KMT2C: variants seen among roughly 807,000 people sequenced by gnomAD.
KMT2C encodes histone-lysine N-methyltransferase 2C.
Under a neutral mutation model 507.9 loss-of-function variants are expected in KMT2C, and 88 were observed. The ratio of observed to expected loss-of-function variants is 0.17; its 90% CI spans 0.15 to 0.21. KMT2C has a LOEUF of 0.21. KMT2C is among the 10% of genes least tolerant of loss of function. The pLI is 1.00. For missense variants in KMT2C, 4,954 were observed against 5,957.8 expected (o/e 0.83, Z 5.55); for synonymous variants, 2,049 against 2,080.8 (o/e 0.98, Z 0.42).
Position 152,207,304 on chromosome 7 carries a change from T to C in KMT2C, c.3837A>G (p.Arg1279=), listed in dbSNP as rs760348105. The C allele has an allele frequency of 5.7e-6, 9 of 1,582,222 alleles. No individual in the cohort carries two copies. Among genetic ancestry groups the C allele is most frequent in the Non-Finnish European group, 7.7e-6 (9 of 1,166,666 alleles). The change falls in exon 24 of 59, where the codon AGA becomes AGG. Residue 1279 remains arginine (R), a synonymous_variant. Coordinates refer to ENST00000262189, the MANE Select transcript of KMT2C (RefSeq NM_170606.3). ...TGTCTACCTCAGGCACTATACCTGG[T>C]CTGTATGGTTTCCTTTTTCTCTTTT... The part of the protein sequence containing the change: ...GVKKRKRKPY[R]PGIGGFMVRQ...
rs1588050805 is a variant in KMT2C, at chr7:152,187,285, G to A, written c.4985C>T (p.Pro1662Leu). Residue 1662 changes from proline (P) to leucine (L), a missense_variant, in exon 33 of 59, where the codon CCC becomes CTC. By Grantham distance (98) the Pro-to-Leu change is moderately conservative. Transcript: ENST00000262189. ...APVLYTNINF[P>L]NLKEEFPDWT... ...ACCAGGGAATTCTTCCTTTAAGTTG[G>A]GGAAATTAATATTGGTGTAGAGAAC... The A allele has an allele frequency of 1.2e-6, 2 of 1,613,778 alleles. No individual in the cohort carries two copies. The highest frequency in any genetic ancestry group is 4.5e-5 in the East Asian group (2 of 44,870).
At chr7:152,290,248 G>A (rs1272171048) in intron 6 of KMT2C, among the ~76,000 whole-genome samples, 35 of 85,642 alleles carry the variant, frequency 4.1e-4, no homozygotes, top group East Asian at 6.0e-4. Context: ...GTGTGTGTGT[G>A]TGTGTATGTG....
At chr7:152,210,558 A>G (rs2094432553) in intron 23 of KMT2C, among the ~76,000 whole-genome samples, 1 of 151,966 alleles carries the variant, frequency 6.6e-6, no homozygotes, top group Non-Finnish European at 1.5e-5. Context: ...TTTTTAAAAA[A>G]GCTCATCAGC....
chr7:152,187,962 A>G, intron 31 of KMT2C, 115 bp from the exon 32 acceptor site: 1 of 958,002 alleles, frequency 1.0e-6, no homozygotes, highest in Admixed American at 2.5e-5. Context: ...ATAAACACAC[A>G]TTTTTTTCAA....
intron 4 of KMT2C, chr7:152,312,150 A>G (rs980190249): frequency 2.7e-5 from 10 of 369,290 alleles, no homozygotes; most frequent in Non-Finnish European, 2.9e-5. Context: ...ATAAGTAACA[A>G]GTAAGAAAAA....
At chr7:152,418,943 C>T (rs558867453) in intron 1 of KMT2C, among the ~76,000 whole-genome samples, 6 of 151,454 alleles carry the variant, frequency 4.0e-5, no homozygotes, top group Admixed American at 3.3e-4. Context: ...TCTATAATTT[C>T]GGCACTTTGA....
intron 1 of KMT2C, chr7:152,367,179 C>T: frequency 4.7e-6 from 7 of 1,482,454 alleles, no homozygotes; most frequent in Non-Finnish European, 6.5e-6. Flanking sequence ...GGATGGTCTC[C>T]CACTCAGAGC....
intron 14 of KMT2C, chr7:152,239,069 A>G (rs2095336795): frequency 2.9e-6 from 1 of 347,506 alleles, no homozygotes; most frequent in Non-Finnish European, 5.3e-6. Flanking sequence ...ACATCACTAC[A>G]ATGAAACATT....
intron 1 of KMT2C, among the ~76,000 whole-genome samples, chr7:152,399,815 C>T (rs1024934548): frequency 4.6e-5 from 7 of 151,360 alleles, no homozygotes; most frequent in African/African-American, 1.2e-4. Flanking sequence ...AAGATATTGG[C>T]GGGGGAGGAA....
chr7:152,346,564 C>T (rs1171878749), intron 2 of KMT2C, among the ~76,000 whole-genome samples: 1 of 152,050 alleles, frequency 6.6e-6, no homozygotes, highest in Non-Finnish European at 1.5e-5. Context: ...TTGTGAGATG[C>T]AGTGAAAGCA....
intron 9 of KMT2C, among the ~76,000 whole-genome samples, chr7:152,256,110 C>CA (rs2095657720): frequency 6.6e-6 from 1 of 152,052 alleles, no homozygotes. Context: ...GGGGAGGTTG[C>CA]AATGACCCAA....
intron 23 of KMT2C, among the ~76,000 whole-genome samples, chr7:152,217,247 C>T (rs1382647701): frequency 2.6e-5 from 4 of 152,140 alleles, no homozygotes; most frequent in Non-Finnish European, 4.4e-5. Context: ...TATTCTTTCC[C>T]TATTTTTTCT....
chr7:152,350,687 A>C (rs2097103530), intron 2 of KMT2C, among the ~76,000 whole-genome samples: 1 of 152,218 alleles, frequency 6.6e-6, no homozygotes, highest in South Asian at 2.1e-4. Flanking sequence ...TCACTGAGTG[A>C]ATGTAAAGGC....
At position 152,182,209 on chromosome 7, in the gene KMT2C, G is replaced by T; in HGVS notation, c.5651C>A (p.Pro1884His). ...SQPPSPQVFSPGSSNSRPPSP... is the reference protein window; with the variant it reads ...SQPPSPQVFSHGSSNSRPPSP... Reference sequence around the variant, plus strand: ...TGGTGGTCGTGAGTTAGAGGACCCAGGTGAAAACACTTGCGGTGAGGGTGG... The same window carrying T: ...TGGTGGTCGTGAGTTAGAGGACCCATGTGAAAACACTTGCGGTGAGGGTGG... Residue 1884 changes from proline to histidine, a missense_variant, in exon 36 of 59, where the codon CCT becomes CAT. This residue lies in a region of KMT2C where 1,689 missense variants were observed against 1,654.3 expected (regional missense o/e 1.02). Coordinates refer to ENST00000262189, the MANE Select transcript of KMT2C (RefSeq NM_170606.3). The T allele has an allele frequency of 6.2e-7, 1 of 1,614,088 alleles. No homozygotes were observed. The highest frequency in any genetic ancestry group is 8.5e-7 in the Non-Finnish European group (1 of 1,180,030).
At chr7:152,362,077 C>A (rs1269577328) in intron 1 of KMT2C, among the ~76,000 whole-genome samples, 1 of 151,952 alleles carries the variant, frequency 6.6e-6, no homozygotes, top group East Asian at 1.9e-4. Flanking sequence ...TGAGAAGAGA[C>A]AACAGTAAAC....
chr7:152,374,205 A>G (rs2097311403), intron 1 of KMT2C, among the ~76,000 whole-genome samples: 1 of 151,912 alleles, frequency 6.6e-6, no homozygotes, highest in East Asian at 1.9e-4. Flanking sequence ...AGTACCAGCT[A>G]CTCAGGAGGC....
intron 8 of KMT2C, among the ~76,000 whole-genome samples, chr7:152,263,702 A>G (rs1044823015): frequency 2.0e-5 from 3 of 152,234 alleles, no homozygotes; most frequent in African/African-American, 7.2e-5. Context: ...TTAAGCAATT[A>G]AATGCTGAAT....
chr7:152,216,865 A>G (rs1483593236), intron 23 of KMT2C, among the ~76,000 whole-genome samples: 1 of 152,224 alleles, frequency 6.6e-6, no homozygotes, highest in Non-Finnish European at 1.5e-5. Context: ...GCACTGGTTG[A>G]GCACTTGTAT....
chr7:152,251,865 G>A, intron 11 of KMT2C, 74 bp downstream of exon 11: 1 of 1,021,784 alleles, frequency 9.8e-7, no homozygotes, highest in East Asian at 2.7e-5. Flanking sequence ...CCTGATTAAA[G>A]CAATATATTG....
Sources: gnomAD v4.1 joint callset for allele counts (sites outside exome capture counted in the v4.1 genomes callset) on GRCh38, gnomAD v4.1.1 for gene constraint, gnomAD v4.1.1 regional missense constraint, MANE v1.5 for transcripts, NCBI Gene and HGNC (gene_info 2026-07-23, HGNC 2026-07-21) for gene names.